The following SYT10 variants were observed in gnomAD, a reference collection of about 807,000 sequenced individuals.
SYT10 encodes the protein synaptotagmin 10, also known as synaptotagmin-10.
Under a neutral mutation model 51.1 loss-of-function variants are expected in SYT10, and 31 were observed. The ratio of observed to expected loss-of-function variants is 0.61; its 90% CI spans 0.46 to 0.82. SYT10 has a LOEUF of 0.82. Among genes scored for constraint, SYT10 ranks in the 40% least tolerant of loss-of-function variants. The pLI, the probability that SYT10 is intolerant of heterozygous loss-of-function variation, is 0.00. For synonymous variants in SYT10, 233 were observed against 225.9 expected (o/e 1.03, Z -0.28); for missense variants, 603 against 634.0 (o/e 0.95, Z 0.53).
chr12:33,439,343 G>A (rs746617416), intron 1 of SYT10, 29 bp downstream of exon 1: 3 of 1,599,228 alleles, frequency 1.9e-6, no homozygotes, highest in Non-Finnish European at 2.6e-6. Flanking sequence ...AGCGGAGCGC[G>A]AGGACGCGAG....
At chr12:33,414,111 A>T (rs1173063696) in intron 2 of SYT10, among the ~76,000 whole-genome samples, 2 of 152,178 alleles carry the variant, frequency 1.3e-5, no homozygotes, top group East Asian at 3.8e-4. Context: ...TGGTAAAGGG[A>T]TCAATTCAAC....
chr12:33,413,235 T>C (rs1334020983), intron 2 of SYT10, among the ~76,000 whole-genome samples: 1 of 152,178 alleles, frequency 6.6e-6, no homozygotes, highest in Non-Finnish European at 1.5e-5. Context: ...ACGGAGAGAA[T>C]GGAACCAAGT....
intron 3 of SYT10, among the ~76,000 whole-genome samples, chr12:33,389,493 A>C (rs574503531): frequency 6.6e-6 from 1 of 152,264 alleles, no homozygotes. Context: ...TTGAAAAAAA[A>C]TTTCTTTATC....
At chr12:33,388,737 C>T (rs1239698926) in intron 3 of SYT10, among the ~76,000 whole-genome samples, 5 of 152,122 alleles carry the variant, frequency 3.3e-5, no homozygotes, top group Non-Finnish European at 7.4e-5. Context: ...GCTGGCTCCA[C>T]CAGAATGTAG....
In SYT10 at chr12:33,400,717, T is replaced by C. The variant is rs188369235; in HGVS notation, c.1077+6072A>G. On this transcript the variant is annotated intron_variant, in intron 3 of 6. Coordinates refer to ENST00000228567, the MANE Select transcript of SYT10 (RefSeq NM_198992.4). ...CTTGAGTATGCATAGGAAAACTACA[T>C]TTAAATATTGAAAATACATTAGTCT... Among the ~76,000 whole-genome samples, 297 of 152,242 alleles carry C rather than the reference T, an allele frequency of 2.0e-3. 1 individual carries two copies. Among genetic ancestry groups the C allele is most frequent in the African/African-American group, 6.6e-3 (276 of 41,560 alleles).
chr12:33,418,241 C>A (rs908762696), intron 2 of SYT10, among the ~76,000 whole-genome samples: 1 of 152,144 alleles, frequency 6.6e-6, no homozygotes, highest in Non-Finnish European at 1.5e-5. Flanking sequence ...CTTACTTACT[C>A]TCCTCACTTG....
chr12:33,384,708 A>G (rs1422145883), intron 4 of SYT10, among the ~76,000 whole-genome samples: 1 of 152,210 alleles, frequency 6.6e-6, no homozygotes, highest in Non-Finnish European at 1.5e-5. Context: ...CTACAGATGC[A>G]CAAATTTTTA....
intron 2 of SYT10, among the ~76,000 whole-genome samples, chr12:33,409,943 A>G (rs1211585872): frequency 1.3e-5 from 2 of 152,202 alleles, no homozygotes; most frequent in Admixed American, 6.5e-5. Flanking sequence ...GAATTTATGG[A>G]AGGTGCAGGA....
intron 2 of SYT10, among the ~76,000 whole-genome samples, chr12:33,410,950 G>A (rs1337739191): frequency 6.6e-6 from 1 of 152,164 alleles, no homozygotes; most frequent in African/African-American, 2.4e-5. Context: ...GATGTTGCAG[G>A]TATGGGTATA....
chr12:33,379,000 C>A (rs1265733250), intron 6 of SYT10, among the ~76,000 whole-genome samples: 1 of 152,132 alleles, frequency 6.6e-6, no homozygotes, highest in Non-Finnish European at 1.5e-5. Context: ...TGGTGTTCAT[C>A]CTATTTCCCT....
At chr12:33,393,969 G>C (rs1866232143) in intron 3 of SYT10, among the ~76,000 whole-genome samples, 1 of 152,234 alleles carries the variant, frequency 6.6e-6, no homozygotes, top group African/African-American at 2.4e-5. Flanking sequence ...ATGCTGGGAA[G>C]AGTGTCTGGT....
chr12:33,436,464 A>G (rs1036198568), intron 1 of SYT10, among the ~76,000 whole-genome samples: 1 of 152,166 alleles, frequency 6.6e-6, no homozygotes, highest in Non-Finnish European at 1.5e-5. Flanking sequence ...AAACTACGCC[A>G]AAAGAGTAAA....
At chr12:33,381,185 A>T (rs936153345) in intron 5 of SYT10, among the ~76,000 whole-genome samples, 19 of 152,316 alleles carry the variant, frequency 1.2e-4, no homozygotes, top group African/African-American at 4.6e-4. Context: ...CAATGGATTC[A>T]AGAGTTCGCT....
chr12:33,422,717 T>C (rs1212866675), intron 2 of SYT10, among the ~76,000 whole-genome samples: 2 of 152,026 alleles, frequency 1.3e-5, no homozygotes, highest in East Asian at 1.9e-4. Flanking sequence ...TTGCCACTTA[T>C]CTGAATTTCC....
In SYT10 at chr12:33,407,341, T is replaced by A; in HGVS notation, c.525A>T (p.Arg175=). 1 of 1,604,736 alleles carries A rather than the reference T, an allele frequency of 6.2e-7. No homozygotes were observed. The highest frequency in any genetic ancestry group is 1.7e-5 in the Admixed American group (1 of 60,006). The part of the protein sequence containing the change: ...PTSSTRHSSF[R]RHLPRQMQVS... ...CCTGCATTTGCCTCGGCAGGTGTCT[T>A]CGGAAGGAACTGTGGCTGAACACAC... Residue 175 remains arginine, a synonymous_variant, in exon 3 of 7, where the codon CGA becomes CGT. Coordinates refer to ENST00000228567, the MANE Select transcript of SYT10 (RefSeq NM_198992.4).
intron 2 of SYT10, chr12:33,424,081 G>A (rs1565498888): frequency 1.8e-5 from 8 of 441,942 alleles, no homozygotes; most frequent in Non-Finnish European, 4.5e-6. Context: ...CTCTGAATGT[G>A]TGTTGCAGTT....
intron 3 of SYT10, among the ~76,000 whole-genome samples, chr12:33,398,511 T>G (rs748085657): frequency 3.3e-5 from 5 of 151,982 alleles, no homozygotes; most frequent in Non-Finnish European, 5.9e-5. Flanking sequence ...AAACTCTGTC[T>G]CAAAACAAAC....
At chr12:33,393,803 C>G (rs1025404826) in intron 3 of SYT10, among the ~76,000 whole-genome samples, 1 of 152,176 alleles carries the variant, frequency 6.6e-6, no homozygotes, top group Non-Finnish European at 1.5e-5. Context: ...TCTAGGGTGG[C>G]CCCCACTCCA....
Position 33,376,918 on chromosome 12 carries a change from T to A in SYT10, c.1501-17A>T. 1 of 1,613,634 alleles carries A rather than the reference T, an allele frequency of 6.2e-7. No homozygotes were observed. The highest frequency in any genetic ancestry group is 8.5e-7 in the Non-Finnish European group (1 of 1,179,638). On this transcript the variant is annotated splice_polypyrimidine_tract_variant and intron_variant, in intron 6 of 6. Coordinates refer to ENST00000228567, the MANE Select transcript of SYT10 (RefSeq NM_198992.4). ...GCCAGGTAACTGAAAGACAAAAATT[T>A]CATAATGTATGATCTAGTACAGAAA...
Sources: allele counts gnomAD v4.1 joint callset (sites outside exome capture counted in the v4.1 genomes callset), GRCh38; gene constraint gnomAD v4.1.1; transcripts MANE v1.5; gene names NCBI Gene and HGNC (gene_info 2026-07-23, HGNC 2026-07-21).